Variants in COL5A1 observed in about 807,000 individuals in gnomAD.
COL5A1 encodes collagen alpha-1(V) chain.
COL5A1 carries 16 observed loss-of-function variants against 263.7 expected under a neutral mutation model. The observed-to-expected ratio is 0.06, with a 90% confidence interval of 0.04 to 0.09. COL5A1 has a LOEUF of 0.09. Among genes scored for constraint, COL5A1 ranks in the 10% least tolerant of loss-of-function variants. COL5A1 has a pLI of 1.00. For missense variants in COL5A1, 2,036 were observed against 2,540.5 expected, an observed-to-expected ratio of 0.80 and a Z score of 4.27; for synonymous variants, 1,012 against 1,004.5, an observed-to-expected ratio of 1.01 and a Z score of -0.14.
chr9:134,785,120 C>T, intron 30 of COL5A1, 24 bp downstream of exon 30: 1 of 1,586,620 alleles, frequency 6.3e-7, no homozygotes, highest in South Asian at 1.1e-5. Context: ...GACGTTCAGC[C>T]ACTTTCTTGG....
At chr9:134,806,105 G>T in intron 41 of COL5A1, 84 bp from the exon 42 acceptor site, 1 of 990,804 alleles carries the variant, frequency 1.0e-6, no homozygotes. Context: ...GCAGGTAAGT[G>T]GAGTGATCAG....
rs931390836 is a variant in COL5A1 at position 134,696,988 on chromosome 9, G to A, written c.278-2921G>A. Among the ~76,000 whole-genome samples the A allele has an allele frequency of 3.9e-5, 6 of 151,906 alleles. No individual in the cohort carries two copies. Among genetic ancestry groups the A allele is most frequent in the African/African-American group, 7.3e-5 (3 of 41,352 alleles). ...CGGGAGGCTGAGGCAGGAGAATGGC[G>A]TGAACCCGGGAGGCGGAGCTTGCAG... On this transcript the variant is annotated intron_variant, in intron 2 of 65. Transcript: ENST00000371817. This position sits in a 1 kb window ranked among gnomAD's most constrained non-coding sequence, Gnocchi z 4.3.
intron 27 of COL5A1, among the ~76,000 whole-genome samples, chr9:134,778,268 C>T (rs1837122865): frequency 6.6e-6 from 1 of 152,262 alleles, no homozygotes; most frequent in African/African-American, 2.4e-5. Flanking sequence ...AACCACTCGC[C>T]TCTCAGCAGC....
chr9:134,795,038 C>T lies in COL5A1; in HGVS notation c.2701-44C>T, dbSNP rs540448839. 1.8e-5 allele frequency: 29 copies of T among 1,602,280 alleles called. 1 individual carries two copies. Among genetic ancestry groups the T allele is most frequent in the South Asian group, 1.5e-4 (14 of 90,856 alleles). ...GAGACAGCTGCCACCTGAGCAGGGC[C>T]GGGCATTTAGAGAGTGACTGACCAG... On this transcript the variant is annotated intron_variant, in intron 32 of 65. Coordinates refer to ENST00000371817, the MANE Select transcript of COL5A1 (RefSeq NM_000093.5).
At chr9:134,839,611 C>T (rs1203644004) in intron 65 of COL5A1, among the ~76,000 whole-genome samples, 2 of 152,208 alleles carry the variant, frequency 1.3e-5, no homozygotes, top group Non-Finnish European at 2.9e-5. Flanking sequence ...ACAGCGCCAC[C>T]TTGCAGTGGC....
chr9:134,814,139 C>T (rs1031527994), intron 49 of COL5A1, 103 bp downstream of exon 49: 15 of 1,194,008 alleles, frequency 1.3e-5, no homozygotes, highest in African/African-American at 6.1e-5. Context: ...TTTCCATCCA[C>T]GAAATGGGAG....
At chr9:134,827,779 G>A (rs1177680605) in intron 63 of COL5A1, among the ~76,000 whole-genome samples, 4 of 152,352 alleles carry the variant, frequency 2.6e-5, no homozygotes, top group East Asian at 1.9e-4. Context: ...CCTTGGACCC[G>A]GAGGAGGCTC....
chr9:134,710,565 C>A (rs1210474941), intron 4 of COL5A1, among the ~76,000 whole-genome samples: 1 of 53,632 alleles, frequency 1.9e-5, no homozygotes, highest in Non-Finnish European at 3.7e-5. Context: ...GGTGGGGGGG[C>A]CCCATTTGTT....
At chr9:134,839,716 G>A (rs973707906) in intron 65 of COL5A1, among the ~76,000 whole-genome samples, 4 of 152,240 alleles carry the variant, frequency 2.6e-5, no homozygotes, top group Non-Finnish European at 4.4e-5. Flanking sequence ...GGTGGTCTCT[G>A]GCTCCTCGCC....
intron 31 of COL5A1, among the ~76,000 whole-genome samples, chr9:134,788,383 G>T (rs1837543290): frequency 1.3e-5 from 2 of 151,840 alleles, no homozygotes; most frequent in Admixed American, 1.3e-4. Flanking sequence ...TAGACAGGTG[G>T]ATGAATGGAG....
chr9:134,736,999 A>G (rs1286961980), intron 9 of COL5A1, among the ~76,000 whole-genome samples: 1 of 152,202 alleles, frequency 6.6e-6, no homozygotes, highest in Non-Finnish European at 1.5e-5. Context: ...TTTGCACAGC[A>G]GGTCTCAGGA....
In COL5A1 at chr9:134,730,248, A is replaced by G. The variant is rs1253535485; in HGVS notation, c.937A>G (p.Thr313Ala). 1.2e-6 allele frequency: 2 copies of G among 1,613,588 alleles called. No homozygotes were observed. Among genetic ancestry groups the G allele is most frequent in the African/African-American group, 2.7e-5 (2 of 74,878 alleles). The change falls in exon 7 of 66, where the codon ACC (threonine) becomes GCC (alanine). Residue 313 changes from threonine (T) to alanine (A), a missense_variant. Transcript: ENST00000371817. Reference protein sequence around the residue: ...TTEVPEELTPTPTEAAPMPET... With the variant: ...TTEVPEELTPAPTEAAPMPET... The stretch of plus-strand genomic sequence containing the variant: ...CCTTGGCTCCCAGGAGCTGACCCCG[A>G]CCCCCACGGAAGCTGCTCCCATGCC...
intron 30 of COL5A1, 36 bp downstream of exon 30, chr9:134,785,132 A>C: frequency 6.4e-7 from 1 of 1,560,782 alleles, no homozygotes; most frequent in Non-Finnish European, 8.8e-7. Context: ...CTTTCTTGGG[A>C]GGGATCTGAC....
chr9:134,711,331 C>T lies in COL5A1; in HGVS notation c.654+9998C>T, dbSNP rs968181795. ...AGGGCCTGGGTGCTGTCGTATAGAC[C>T]GTGCGCCTGGGGTGTGGGGCTGTGT... On this transcript the variant is annotated intron_variant, in intron 4 of 65. Coordinates refer to ENST00000371817, the MANE Select transcript of COL5A1 (RefSeq NM_000093.5). 1.2e-4 allele frequency among the ~76,000 whole-genome samples: 18 copies of T among 152,146 alleles called. 1 individual carries two copies. The highest frequency in any genetic ancestry group is 1.9e-4 in the East Asian group (1 of 5,170).
intron 28 of COL5A1, 181 bp from the exon 29 acceptor site, chr9:134,782,486 C>G (rs1837294619): frequency 1.4e-6 from 1 of 704,988 alleles, no homozygotes; most frequent in South Asian, 1.6e-5. Flanking sequence ...GCTGGGAACG[C>G]AGAGCTCATG....
chr9:134,817,553 T>C (rs532299403), intron 53 of COL5A1, among the ~76,000 whole-genome samples: 90 of 152,222 alleles, frequency 5.9e-4, no homozygotes, highest in Admixed American at 1.1e-3. Context: ...CTGGAGTCCA[T>C]AGGACTCATG....
chr9:134,716,824 G>A lies in COL5A1; in HGVS notation c.655-10442G>A, dbSNP rs545438154. Among the ~76,000 whole-genome samples the A allele has an allele frequency of 3.3e-5, 5 of 152,280 alleles. No individual in the cohort carries two copies. The South Asian group carries it at 1.0e-3, about 32-fold the overall frequency. On this transcript the variant is annotated intron_variant, in intron 4 of 65. Transcript: ENST00000371817. The surrounding 1 kb of genome is among the most constrained non-coding windows in gnomAD (Gnocchi z 4.5). Reference sequence around the variant, plus strand: ...TTGCAGCCTTGCACCCAGAGCTGTTGTGAGTAGACTTGACCCTACACGTCT... The same window carrying A: ...TTGCAGCCTTGCACCCAGAGCTGTTATGAGTAGACTTGACCCTACACGTCT...
chr9:134,773,661 G>A (rs1836946496), intron 26 of COL5A1, among the ~76,000 whole-genome samples: 1 of 152,146 alleles, frequency 6.6e-6, no homozygotes, highest in Non-Finnish European at 1.5e-5. Flanking sequence ...TGGGGTCTGG[G>A]GCCTGGTCCC....
At position 134,675,296 on chromosome 9, in the gene COL5A1, A is replaced by G. The variant is rs750891193; in HGVS notation, c.110-15616A>G. On this transcript the variant is annotated intron_variant, in intron 1 of 65. Transcript: ENST00000371817. ...TCAAACTGTTTCCTGAGAGGTGTCA[A>G]TTTAGACTCCTGTGGGTACTGAATG... 2.7e-4 allele frequency among the ~76,000 whole-genome samples: 41 copies of G among 152,322 alleles called. No homozygotes were observed. In the Middle Eastern group the frequency reaches 0.01, roughly 38 times the overall value.
Sources: allele counts gnomAD v4.1 joint callset (sites outside exome capture counted in the v4.1 genomes callset), GRCh38; gene constraint gnomAD v4.1.1; non-coding constraint Gnocchi (gnomAD v3.1); transcripts MANE v1.5; gene names NCBI Gene and HGNC (gene_info 2026-07-23, HGNC 2026-07-21).